The following TMEM255B variants were observed in gnomAD, a reference collection of about 807,000 sequenced individuals.
TMEM255B encodes the protein transmembrane protein 255B.
Under a neutral mutation model 34.5 loss-of-function variants are expected in TMEM255B, and 35 were observed. That is an observed-to-expected ratio of 1.01 (90% CI 0.77 to 1.34). TMEM255B has a LOEUF of 1.34. Ranked by LOEUF, TMEM255B falls within the 40% of genes most tolerant of loss-of-function variation. The pLI, the probability that TMEM255B is intolerant of heterozygous loss-of-function variation, is 0.00. For synonymous variants in TMEM255B, 206 were observed against 201.2 expected (o/e 1.02, Z -0.20); for missense variants, 432 against 433.2 (o/e 1.00, Z 0.02).
At chr13:113,759,980 T>G (rs1159664241) in intron 1 of TMEM255B, among the ~76,000 whole-genome samples, 2 of 152,202 alleles carry the variant, frequency 1.3e-5, no homozygotes, top group African/African-American at 4.8e-5. Context: ...TCGGGGGCTC[T>G]GCCGGGAAGT....
rs549616395 is a variant in TMEM255B, at chr13:113,766,864, A to C, written c.189+607A>C. On this transcript the variant is annotated intron_variant, in intron 2 of 8. Transcript: ENST00000375353. ...AACAGTAAGGCGGCGAGGTAAATTG[A>C]TGGTAACCTAATTGGCAAGAATTGG... 5.9e-5 allele frequency among the ~76,000 whole-genome samples: 9 copies of C among 152,354 alleles called. No individual in the cohort carries two copies. In the East Asian group the frequency reaches 1.7e-3, roughly 29 times the overall value.
rs367856981 is a variant in TMEM255B at position 113,766,143 on chromosome 13, G to C, written c.75G>C (p.Ser25=). ...GGCTTTCGAGGAGGAAGAAGACGTC[G>C]CTCTGGTTTGTGGGGTCTCTGCTGC... The part of the protein sequence containing the change: ...AEGLSRRKKT[S]LWFVGSLLLV... The change falls in exon 2 of 9, where the codon TCG becomes TCC. Residue 25 remains serine (S), a synonymous_variant. Transcript: ENST00000375353. 1.2e-6 allele frequency: 2 copies of C among 1,614,102 alleles called. No individual in the cohort carries two copies. The highest frequency in any genetic ancestry group is 8.5e-7 in the Non-Finnish European group (1 of 1,180,044).
At chr13:113,790,620 GAC>G (rs1566733801) in intron 3 of TMEM255B, among the ~76,000 whole-genome samples, 2 of 136,044 alleles carry the variant, frequency 1.5e-5, no homozygotes, top group African/African-American at 2.8e-5. Flanking sequence ...GCACTGAACT[GAC>G]TGGACACATG....
intron 3 of TMEM255B, among the ~76,000 whole-genome samples, chr13:113,783,571 GTCAGACGTGGAGAAAA>G (rs946168606): frequency 2.6e-5 from 4 of 152,292 alleles, no homozygotes; most frequent in South Asian, 2.1e-4. Flanking sequence ...TCTGTGACAA[GTCAGACGTGGAGAAAA>G]TCAGACGTGG....
chr13:113,792,455 A>G (rs957590646), intron 3 of TMEM255B, among the ~76,000 whole-genome samples: 25 of 152,290 alleles, frequency 1.6e-4, no homozygotes, highest in African/African-American at 5.5e-4. Context: ...TGCAGCCCCC[A>G]GCACCTTCCC....
chr13:113,773,902 C>A (rs761827793), intron 3 of TMEM255B, among the ~76,000 whole-genome samples: 2 of 152,170 alleles, frequency 1.3e-5, no homozygotes, highest in Non-Finnish European at 2.9e-5. Context: ...TCAGAACATT[C>A]AAGTTATTTC....
chr13:113,804,844 T>C, intron 7 of TMEM255B, 41 bp from the exon 8 acceptor site: 1 of 1,559,282 alleles, frequency 6.4e-7, no homozygotes, highest in African/African-American at 1.4e-5. Context: ...TTCCCTCCAC[T>C]AGGGGGTACA....
chr13:113,803,865 A>C (rs1269727496), intron 7 of TMEM255B, among the ~76,000 whole-genome samples: 3 of 17,026 alleles, frequency 1.8e-4, no homozygotes, highest in African/African-American at 9.2e-4. Flanking sequence ...CCGTTGTCTG[A>C]GGACACCTCA....
intron 4 of TMEM255B, 40 bp downstream of exon 4, chr13:113,795,277 G>A: frequency 6.3e-7 from 1 of 1,585,442 alleles, no homozygotes; most frequent in South Asian, 1.1e-5. Context: ...GCTTTCCGGG[G>A]CTGAAAGAGT....
chr13:113,808,800 G>GA (rs1555302364), intron 8 of TMEM255B, among the ~76,000 whole-genome samples: 1 of 113,052 alleles, frequency 8.8e-6, no homozygotes, highest in Non-Finnish European at 1.7e-5. Flanking sequence ...CCTGGGGGGG[G>GA]GGTTACTCCA....
In TMEM255B at chr13:113,808,794, G is replaced by GGGT. The variant is rs1235227812; in HGVS notation, c.814-2940_814-2939insTGG. On this transcript the variant is annotated intron_variant, in intron 8 of 8. Transcript: ENST00000375353. ...TGGCGGTGTAACTCTGTGGTTCCTG[G>GGGT]GGGGGGGGTTACTCCATGTTTCCTG... 7.8e-5 allele frequency among the ~76,000 whole-genome samples: 8 copies of GGGT among 102,986 alleles called. 1 individual carries two copies. In the East Asian group the frequency reaches 1.5e-3, roughly 19 times the overall value. The allele number at this position is 102,986 out of a possible 152,430, so 67.6% of individuals were successfully genotyped here.
intron 1 of TMEM255B, 44 bp downstream of exon 1, chr13:113,759,359 C>G (rs1383937692): frequency 1.5e-5 from 19 of 1,228,036 alleles, no homozygotes; most frequent in Non-Finnish European, 1.9e-5. Context: ...TGCGGGGGAG[C>G]GTGGGGACCC....
At chr13:113,774,572 T>C (rs1014003695) in intron 3 of TMEM255B, among the ~76,000 whole-genome samples, 4 of 102,622 alleles carry the variant, frequency 3.9e-5, no homozygotes, top group African/African-American at 4.3e-5. Context: ...ACAACACACA[T>C]GACACACACA....
At position 113,769,016 on chromosome 13, in the gene TMEM255B, G is replaced by T; in HGVS notation, c.190-82G>T. On this transcript the variant is annotated intron_variant, in intron 2 of 8. Coordinates refer to ENST00000375353, the MANE Select transcript of TMEM255B (RefSeq NM_182614.4). The surrounding 1 kb of genome is among the most constrained non-coding windows in gnomAD (Gnocchi z 4.2). ...CCCTGGATAAAATGCCTTTGAGGGCGGGATTATTTGCTTTAAATGTCAGTG... is the reference window on the plus strand; with the variant it reads ...CCCTGGATAAAATGCCTTTGAGGGCTGGATTATTTGCTTTAAATGTCAGTG... 6.7e-7 allele frequency: 1 copy of T among 1,501,292 alleles called. No individual in the cohort carries two copies. Among genetic ancestry groups the T allele is most frequent in the Non-Finnish European group, 9.3e-7 (1 of 1,079,936 alleles). 93.0% of individuals were successfully genotyped at this position (1,501,292 alleles called of 1,614,324 possible).
At chr13:113,804,576 TTAG>T (rs1468531587) in intron 7 of TMEM255B, among the ~76,000 whole-genome samples, 38 of 151,556 alleles carry the variant, frequency 2.5e-4, no homozygotes, top group African/African-American at 8.2e-4. Flanking sequence ...CGGGCCGGGG[TTAG>T]CTCCAGCCTG....
rs2051334739 is a variant in TMEM255B, at chr13:113,812,689, C to G, written c.*786C>G. 1 of 152,330 alleles carries G rather than the reference C, an allele frequency of 6.6e-6. No homozygotes were observed. The highest frequency in any genetic ancestry group is 1.5e-5 in the Non-Finnish European group (1 of 68,232). The allele number at this position is 152,330 out of a possible 1,614,324, so 9.4% of individuals were successfully genotyped here. A position where few individuals can be genotyped will look rare whatever the true frequency, so the allele number is the denominator to read the frequency against. On this transcript the variant is annotated 3_prime_UTR_variant, in exon 9 of 9. Coordinates refer to ENST00000375353, the MANE Select transcript of TMEM255B (RefSeq NM_182614.4). The stretch of plus-strand genomic sequence containing the variant: ...CTCCCTGTGGAAACCAGCTTAGCTC[C>G]CCGCGGGCCCAGCATGCACCTGCCG...
At chr13:113,780,817 C>A (rs1268113896) in intron 3 of TMEM255B, among the ~76,000 whole-genome samples, 1 of 152,090 alleles carries the variant, frequency 6.6e-6, no homozygotes, top group African/African-American at 2.4e-5. Flanking sequence ...TTTAGGGTAG[C>A]CATAGTTAAA....
chr13:113,796,468 CACAGAGAGCACACACCACACACACT>C (rs2050941650), intron 4 of TMEM255B, among the ~76,000 whole-genome samples: 2 of 139,336 alleles, frequency 1.4e-5, no homozygotes, highest in Admixed American at 7.2e-5. Flanking sequence ...CCACACACAC[CACAGAGAGCACACACCACACACACT>C]ACACACACCA....
At chr13:113,783,215 T>G (rs1386443894) in intron 3 of TMEM255B, among the ~76,000 whole-genome samples, 4 of 151,998 alleles carry the variant, frequency 2.6e-5, no homozygotes, top group Admixed American at 6.6e-5. Flanking sequence ...TTTCTCTGAG[T>G]TTTTCATAAT....
Sources: gnomAD v4.1 joint callset for allele counts (sites outside exome capture counted in the v4.1 genomes callset) on GRCh38, gnomAD v4.1.1 for gene constraint, Gnocchi (gnomAD v3.1) non-coding constraint, MANE v1.5 for transcripts, NCBI Gene and HGNC (gene_info 2026-07-23, HGNC 2026-07-21) for gene names.